LRP1B: variants seen among roughly 807,000 people sequenced by gnomAD.
The protein encoded by LRP1B is low-density lipoprotein receptor-related protein 1B.
Under a neutral mutation model 556.6 loss-of-function variants are expected in LRP1B, and 217 were observed. The observed-to-expected ratio is 0.39, with a 90% CI of 0.35 to 0.44. The LOEUF (loss-of-function observed/expected upper bound fraction) is 0.44, where lower values mean the gene tolerates loss of function less well. Among genes scored for constraint, LRP1B ranks in the 20% least tolerant of loss-of-function variants. The probability of loss-of-function intolerance (pLI) is 1.00; values close to 1 mark genes in which losing one functional copy is unlikely to be tolerated. For synonymous variants in LRP1B, 2,047 were observed against 1,865.8 expected (o/e 1.10, Z -2.50); for missense variants, 5,053 against 5,620.8 (o/e 0.90, Z 3.23).
intron 2 of LRP1B, among the ~76,000 whole-genome samples, chr2:141,674,876 C>T (rs1044111675): frequency 2.0e-4 from 31 of 151,730 alleles, no homozygotes; most frequent in African/African-American, 6.8e-4. Context: ...CTAGAAATTG[C>T]TTTTTTTTGA....
rs70994471 is a variant in LRP1B at position 142,015,991 on chromosome 2, C to CAAAAA, written c.82+114652_82+114656dup. ...TGGGCAACAGCGCGAGACTCCATCT[C>CAAAAA]AAAAAAAAAAAAAAAAAAAAAGTGG... On this transcript the variant is annotated intron_variant, in intron 1 of 90. Transcript: ENST00000389484. 3.4e-4 allele frequency among the ~76,000 whole-genome samples: 13 copies of CAAAAA among 38,796 alleles called. 4 individuals are homozygous for CAAAAA. The highest frequency in any genetic ancestry group is 2.9e-3 in the East Asian group (2 of 694). 25.5% of individuals were successfully genotyped at this position (38,796 alleles called of 152,430 possible).
intron 31 of LRP1B, among the ~76,000 whole-genome samples, chr2:140,837,908 C>T (rs1347686152): frequency 6.6e-6 from 1 of 151,906 alleles, no homozygotes. Context: ...CTAACCTGCA[C>T]GTTGTGCACA....
intron 1 of LRP1B, among the ~76,000 whole-genome samples, chr2:142,014,659 T>G (rs1336775585): frequency 6.6e-6 from 1 of 152,122 alleles, no homozygotes; most frequent in Non-Finnish European, 1.5e-5. Context: ...AAGAAGTGGA[T>G]AGTTGACTGT....
At chr2:140,930,204 T>C (rs74319069) in intron 20 of LRP1B, among the ~76,000 whole-genome samples, 2,577 of 152,232 alleles carry the variant, frequency 0.017, 88 homozygotes, top group African/African-American at 0.058. Flanking sequence ...TATATGTGCA[T>C]GCTGTTTTGC....
At chr2:141,727,699 TA>T (rs1167657114) in intron 2 of LRP1B, among the ~76,000 whole-genome samples, 1 of 152,164 alleles carries the variant, frequency 6.6e-6, no homozygotes, top group East Asian at 1.9e-4. Flanking sequence ...AATATTCATA[TA>T]TCTTTAAGCA....
At chr2:141,920,337 C>T (rs1039529061) in intron 1 of LRP1B, among the ~76,000 whole-genome samples, 1 of 150,142 alleles carries the variant, frequency 6.7e-6, no homozygotes, top group African/African-American at 2.4e-5. Context: ...TCATTAATGT[C>T]AGTCATTTGG....
intron 18 of LRP1B, among the ~76,000 whole-genome samples, chr2:140,956,726 T>G (rs544624091): frequency 3.3e-5 from 5 of 151,712 alleles, no homozygotes; most frequent in Non-Finnish European, 5.9e-5. Context: ...ACAATCTCAT[T>G]TTATATACCA....
intron 29 of LRP1B, among the ~76,000 whole-genome samples, chr2:140,845,006 A>C (rs939370378): frequency 6.6e-6 from 1 of 152,220 alleles, no homozygotes; most frequent in African/African-American, 2.4e-5. Context: ...AGTAAGAGTG[A>C]TCTTCTGGGT....
intron 2 of LRP1B, among the ~76,000 whole-genome samples, chr2:141,753,782 C>T (rs984656589): frequency 6.6e-6 from 1 of 152,134 alleles, no homozygotes; most frequent in African/African-American, 2.4e-5. Flanking sequence ...TGCAATTACA[C>T]TATATAAAAT....
At chr2:141,042,390 G>T (rs987179859) in intron 11 of LRP1B, among the ~76,000 whole-genome samples, 1 of 152,072 alleles carries the variant, frequency 6.6e-6, no homozygotes, top group Non-Finnish European at 1.5e-5. Context: ...CCTGTGGGGA[G>T]TACAGATCAG....
chr2:141,524,377 G>C (rs1684625744), intron 2 of LRP1B, among the ~76,000 whole-genome samples: 1 of 151,910 alleles, frequency 6.6e-6, no homozygotes, highest in African/African-American at 2.4e-5. Context: ...TTGCAATGGA[G>C]TCTGGATAGA....
chr2:142,092,762 A>AT (rs1706220572), intron 1 of LRP1B, among the ~76,000 whole-genome samples: 1 of 152,074 alleles, frequency 6.6e-6, no homozygotes. Context: ...AGATGGTAAA[A>AT]TCTGATTAAG....
intron 3 of LRP1B, among the ~76,000 whole-genome samples, chr2:141,341,782 A>C (rs1688064721): frequency 6.6e-6 from 1 of 152,188 alleles, no homozygotes; most frequent in Non-Finnish European, 1.5e-5. Flanking sequence ...AAAAGATGTC[A>C]GCATCATAAG....
At chr2:141,852,416 G>T (rs1348757595) in intron 1 of LRP1B, among the ~76,000 whole-genome samples, 1 of 151,740 alleles carries the variant, frequency 6.6e-6, no homozygotes, top group Non-Finnish European at 1.5e-5. Context: ...ATGCATATAT[G>T]ATAGGCTTCT....
chr2:141,544,322 C>T (rs1685413989), intron 2 of LRP1B, among the ~76,000 whole-genome samples: 1 of 50,412 alleles, frequency 2.0e-5, no homozygotes. Context: ...TCTTCTTCTT[C>T]TTCTTCTTCT....
chr2:141,039,979 T>C (rs1250238436), intron 11 of LRP1B, among the ~76,000 whole-genome samples: 3 of 152,246 alleles, frequency 2.0e-5, no homozygotes, highest in East Asian at 3.9e-4. Flanking sequence ...TATGAAAATG[T>C]CTTATTCACT....
chr2:140,291,320 T>TGTATATATA (rs745524571), intron 84 of LRP1B, among the ~76,000 whole-genome samples: 2 of 51,856 alleles, frequency 3.9e-5, no homozygotes, highest in Non-Finnish European at 7.7e-5. Context: ...ATATATATAT[T>TGTATATATA]TTTATTATAC....
At chr2:140,388,737 C>G (rs536392099) in intron 66 of LRP1B, among the ~76,000 whole-genome samples, 1 of 152,328 alleles carries the variant, frequency 6.6e-6, no homozygotes, top group Non-Finnish European at 1.5e-5. Flanking sequence ...CAAAGAGACA[C>G]ATTTTAGAGG....
intron 29 of LRP1B, among the ~76,000 whole-genome samples, chr2:140,848,384 G>A (rs567051288): frequency 7.9e-5 from 12 of 152,268 alleles, no homozygotes; most frequent in Admixed American, 5.2e-4. Context: ...CAAGCTTATA[G>A]CCAAACCATT....
Sources: gnomAD v4.1 joint callset for allele counts (sites outside exome capture counted in the v4.1 genomes callset) on GRCh38, gnomAD v4.1.1 for gene constraint, MANE v1.5 for transcripts, NCBI Gene and HGNC (gene_info 2026-07-23, HGNC 2026-07-21) for gene names.